Variants in RNF169 observed in about 807,000 individuals in gnomAD.
RNF169 encodes the protein E3 ubiquitin-protein ligase RNF169.
A neutral mutation model predicts 53.9 loss-of-function variants in RNF169; 24 were observed. That is an observed-to-expected ratio of 0.45 (90% CI 0.32 to 0.63). The LOEUF is 0.63. Among genes scored for constraint, RNF169 ranks in the 20% least tolerant of loss-of-function variants. RNF169 has a pLI of 0.04. For synonymous variants in RNF169, 396 were observed against 363.5 expected (o/e 1.09, Z -1.02); for missense variants, 883 against 906.2 (o/e 0.97, Z 0.33).
intron 1 of RNF169, among the ~76,000 whole-genome samples, chr11:74,772,500 ATGT>A (rs2035275769): frequency 9.6e-6 from 1 of 104,708 alleles, no homozygotes; most frequent in Non-Finnish European, 2.0e-5. Flanking sequence ...TTTTACTTTT[ATGT>A]ATTGAGCTGT....
At position 74,772,396 on chromosome 11, in the gene RNF169, A is replaced by G. The variant is rs536827610; in HGVS notation, c.503-17230A>G. On this transcript the variant is annotated intron_variant, in intron 1 of 5. Transcript: ENST00000299563. ...GGGTTATTATAAGGCTTAAATAAGAATATGTGTGGAAACCCCTAGCACAGT... is the reference window on the plus strand; with the variant it reads ...GGGTTATTATAAGGCTTAAATAAGAGTATGTGTGGAAACCCCTAGCACAGT... 8.5e-5 allele frequency among the ~76,000 whole-genome samples: 13 copies of G among 152,164 alleles called. No homozygotes were observed. In the South Asian group the frequency reaches 2.3e-3, roughly 27 times the overall value.
chr11:74,800,923 A>G (rs1220618309), intron 2 of RNF169, among the ~76,000 whole-genome samples: 4 of 152,184 alleles, frequency 2.6e-5, no homozygotes, highest in Non-Finnish European at 5.9e-5. Flanking sequence ...TTTATATGTA[A>G]ACTTGGATGC....
At chr11:74,770,990 A>G (rs760394129) in intron 1 of RNF169, among the ~76,000 whole-genome samples, 1 of 151,888 alleles carries the variant, frequency 6.6e-6, no homozygotes, top group African/African-American at 2.4e-5. Flanking sequence ...TATTTTTAGT[A>G]GAGACAGGGT....
chr11:74,761,619 TAA>T (rs2035083822), intron 1 of RNF169, among the ~76,000 whole-genome samples: 1 of 152,196 alleles, frequency 6.6e-6, no homozygotes, highest in Non-Finnish European at 1.5e-5. Flanking sequence ...TTCTTTCCTT[TAA>T]GAATGTTGAA....
Position 74,749,004 on chromosome 11 carries a change from G to C in RNF169, c.124G>C (p.Ala42Pro). ...AGCTAAGACTGGGGCCCCAGGCCCG[G>C]CTTCTGGACCTTCGCTGTTGGTGTT... is the stretch of plus-strand genomic sequence containing the variant. ...AAAKTGAPGP[A>P]SGPSLLVLSP... Residue 42 changes from alanine to proline, a missense_variant, in exon 1 of 6, where the codon GCT (alanine) becomes CCT (proline). By Grantham distance (27) the Ala-to-Pro change is conservative. Around this residue, in one of 3 missense-constraint regions of RNF169, gnomAD observed 313 missense variants for 279.9 expected, o/e 1.12. Transcript: ENST00000299563. The C allele has an allele frequency of 6.7e-7, 1 of 1,497,766 alleles. No homozygotes were observed. Among genetic ancestry groups the C allele is most frequent in the Non-Finnish European group, 8.9e-7 (1 of 1,119,684 alleles). The allele number at this position is 1,497,766 out of a possible 1,614,324, so 92.8% of individuals were successfully genotyped here.
chr11:74,769,540 A>T (rs1475772576), intron 1 of RNF169, among the ~76,000 whole-genome samples: 1 of 152,220 alleles, frequency 6.6e-6, no homozygotes, highest in African/African-American at 2.4e-5. Context: ...TGCTCACATT[A>T]CAGCACTGTA....
intron 1 of RNF169, among the ~76,000 whole-genome samples, chr11:74,784,747 A>G (rs1227283688): frequency 6.6e-6 from 1 of 152,022 alleles, no homozygotes; most frequent in Non-Finnish European, 1.5e-5. Context: ...ACAGTGAACA[A>G]CTCATCAGTT....
At chr11:74,835,464 G>T (rs868141827) in intron 5 of RNF169, 82 bp from the exon 6 acceptor site, 4 of 1,048,222 alleles carry the variant, frequency 3.8e-6, no homozygotes, top group Middle Eastern at 4.2e-4. Context: ...CCTTCCCTGT[G>T]CCTCCACCAT....
intron 1 of RNF169, among the ~76,000 whole-genome samples, chr11:74,761,226 C>G (rs1187149534): frequency 1.4e-5 from 2 of 145,586 alleles, no homozygotes; most frequent in Admixed American, 6.9e-5. Context: ...AGATGGGTTT[C>G]CTGAATACAG....
chr11:74,789,308 C>A (rs1015650289), intron 1 of RNF169, among the ~76,000 whole-genome samples: 3 of 152,080 alleles, frequency 2.0e-5, no homozygotes, highest in Non-Finnish European at 4.4e-5. Flanking sequence ...TGAAAAAGGA[C>A]AAAAGGCAAC....
chr11:74,813,339 C>T (rs1019729248), intron 3 of RNF169, among the ~76,000 whole-genome samples: 2 of 152,168 alleles, frequency 1.3e-5, no homozygotes, highest in African/African-American at 4.8e-5. Flanking sequence ...GAGGAAGGAG[C>T]TTACTCTAGA....
intron 4 of RNF169, among the ~76,000 whole-genome samples, chr11:74,825,147 CAAG>C (rs1001708923): frequency 2.0e-5 from 3 of 151,630 alleles, no homozygotes; most frequent in South Asian, 2.1e-4. Flanking sequence ...ATCAACTCAA[CAAG>C]AAGAATTCTT....
chr11:74,820,019 C>T (rs2035988861), intron 4 of RNF169, among the ~76,000 whole-genome samples: 2 of 152,126 alleles, frequency 1.3e-5, no homozygotes, highest in South Asian at 4.1e-4. Context: ...CAGAGACTTA[C>T]TGACAGAGTC....
At chr11:74,796,229 C>G (rs1172685255) in intron 2 of RNF169, among the ~76,000 whole-genome samples, 1 of 152,016 alleles carries the variant, frequency 6.6e-6, no homozygotes, top group Non-Finnish European at 1.5e-5. Flanking sequence ...TATATTTATT[C>G]TATTAAAAGT....
At chr11:74,750,818 G>C (rs909764860) in intron 1 of RNF169, among the ~76,000 whole-genome samples, 19 of 147,772 alleles carry the variant, frequency 1.3e-4, no homozygotes, top group African/African-American at 4.3e-4. Flanking sequence ...TGGCCAGGCT[G>C]GTCTTGAACT....
At position 74,817,839 on chromosome 11, in the gene RNF169, G is replaced by A. The variant is rs572977146; in HGVS notation, c.842+125G>A. The A allele has an allele frequency of 1.2e-4, 80 of 685,636 alleles. No individual in the cohort carries two copies. The African/African-American group carries it at 1.4e-3, about 12-fold the overall frequency. 42.5% of individuals were successfully genotyped at this position (685,636 alleles called of 1,614,324 possible). A position where few individuals can be genotyped will look rare whatever the true frequency, so the allele number is the denominator to read the frequency against. Reference sequence around the variant, plus strand: ...GGGGAGGTGGAAGGGGAGAAAAGAGGTGGGAATTGGTTTTCAAATATGGAC... The same window carrying A: ...GGGGAGGTGGAAGGGGAGAAAAGAGATGGGAATTGGTTTTCAAATATGGAC... On this transcript the variant is annotated intron_variant, in intron 4 of 5. Coordinates refer to ENST00000299563, the MANE Select transcript of RNF169 (RefSeq NM_001098638.2).
chr11:74,823,796 T>A (rs866697451), intron 4 of RNF169, among the ~76,000 whole-genome samples: 1 of 148,304 alleles, frequency 6.7e-6, no homozygotes, highest in Non-Finnish European at 1.5e-5. Context: ...TCTAAGGAAC[T>A]CTGTCAGATC....
chr11:74,762,098 G>T, intron 1 of RNF169, among the ~76,000 whole-genome samples: 1 of 144,972 alleles, frequency 6.9e-6, no homozygotes, highest in Admixed American at 7.0e-5. Flanking sequence ...GATCGCATCG[G>T]CTCCTGAGGC....
intron 2 of RNF169, among the ~76,000 whole-genome samples, chr11:74,806,100 G>A (rs2035801979): frequency 1.3e-5 from 2 of 151,768 alleles, no homozygotes; most frequent in South Asian, 4.1e-4. Context: ...CCTGACAATT[G>A]CTTCATATCC....
Sources: gnomAD v4.1 joint callset for allele counts (sites outside exome capture counted in the v4.1 genomes callset) on GRCh38, gnomAD v4.1.1 for gene constraint, gnomAD v4.1.1 regional missense constraint, MANE v1.5 for transcripts, NCBI Gene and HGNC (gene_info 2026-07-23, HGNC 2026-07-21) for gene names.